ADPRHL1: variants seen among roughly 807,000 people sequenced by gnomAD.
ADPRHL1 encodes the protein inactive ADP-ribosyltransferase ARH2.
Under a neutral mutation model 44.1 loss-of-function variants are expected in ADPRHL1, and 43 were observed. The observed-to-expected ratio is 0.98, with a 90% CI of 0.76 to 1.26. ADPRHL1 has a LOEUF of 1.26. Among genes scored for constraint, ADPRHL1 ranks in the 50% most tolerant of loss-of-function variants. ADPRHL1 has a pLI of 0.00. For synonymous variants in ADPRHL1, 878 were observed against 1,017.4 expected, an observed-to-expected ratio of 0.86 and a Z score of 2.61; for missense variants, 2,022 against 2,496.9, an observed-to-expected ratio of 0.81 and a Z score of 4.05.
At chr13:113,439,968 T>G (rs2044086412) in intron 2 of ADPRHL1, among the ~76,000 whole-genome samples, 1 of 152,260 alleles carries the variant, frequency 6.6e-6, no homozygotes, top group East Asian at 1.9e-4. Flanking sequence ...GTCTTTCTCT[T>G]TTTTCCACAT....
chr13:113,419,001 TTC>T (rs2043900446), intron 7 of ADPRHL1, among the ~76,000 whole-genome samples: 1 of 75,422 alleles, frequency 1.3e-5, no homozygotes, highest in Non-Finnish European at 2.7e-5. Context: ...CCTCCCTCCC[TTC>T]CTCCCTCCCT....
Position 113,433,790 on chromosome 13 carries a change from T to G in ADPRHL1, c.457A>C (p.Ile153Leu). The G allele has an allele frequency of 6.3e-7, 1 of 1,592,584 alleles. No homozygotes were observed. The highest frequency in any genetic ancestry group is 1.1e-5 in the South Asian group (1 of 87,748). ...YWKPERLETL[I>L]EVSVECGRMT... ...CGGCCGCACTCCACGCTGACCTCGATGAGGGTCTCCAGCCGCTCAGGCTTC... is the reference window on the plus strand; with the variant it reads ...CGGCCGCACTCCACGCTGACCTCGAGGAGGGTCTCCAGCCGCTCAGGCTTC... Residue 153 changes from isoleucine to leucine, a missense_variant, in exon 3 of 8, where the codon ATC becomes CTC. Physicochemically the swap from Ile to Leu is conservative, Grantham distance 5. This residue lies in a region of ADPRHL1 where 437 missense variants were observed against 430.7 expected (regional missense o/e 1.01). Transcript: ENST00000612156.
chr13:113,422,794 C>G, intron 7 of ADPRHL1, 32 bp downstream of exon 7: 1 of 1,612,396 alleles, frequency 6.2e-7, no homozygotes, highest in South Asian at 1.1e-5. Context: ...GGAATCGGCT[C>G]TCTAGGGGGA....
At chr13:113,429,304 C>T (rs1484485436) in intron 3 of ADPRHL1, among the ~76,000 whole-genome samples, 1 of 152,244 alleles carries the variant, frequency 6.6e-6, no homozygotes, top group Non-Finnish European at 1.5e-5. Flanking sequence ...CAAACTGTAG[C>T]TCTGTCCCCA....
intron 1 of ADPRHL1, among the ~76,000 whole-genome samples, chr13:113,445,058 C>G (rs1010839475): frequency 6.6e-6 from 1 of 152,184 alleles, no homozygotes; most frequent in African/African-American, 2.4e-5. Flanking sequence ...TTGCCAGAAA[C>G]CCAGGTGCTG....
At chr13:113,431,579 C>T (rs988008595) in intron 3 of ADPRHL1, among the ~76,000 whole-genome samples, 1 of 152,222 alleles carries the variant, frequency 6.6e-6, no homozygotes, top group East Asian at 1.9e-4. Context: ...GTGGCTCTTA[C>T]TGCCAGAGGT....
chr13:113,437,421 C>G (rs564034058), intron 2 of ADPRHL1, among the ~76,000 whole-genome samples: 1 of 151,964 alleles, frequency 6.6e-6, no homozygotes, highest in Non-Finnish European at 1.5e-5. Flanking sequence ...CACCCAGGTG[C>G]AGAGTGAATG....
At position 113,400,180 on chromosome 13, in the gene ADPRHL1, C is replaced by G. The variant is rs1195813641; in HGVS notation, c.*3198G>C. On this transcript the variant is annotated 3_prime_UTR_variant, in exon 8 of 8. Transcript: ENST00000612156. ...TTTTTTTTTTTGACGGAGTCTCGCT[C>G]TGTCACCCAGGCTGGAGTGCAGTGG... 10 of 141,360 alleles carry G rather than the reference C, an allele frequency of 7.1e-5. No individual in the cohort carries two copies. The highest frequency in any genetic ancestry group is 2.7e-4 in the African/African-American group (10 of 37,632). The allele number at this position is 141,360 out of a possible 1,614,324, so 8.8% of individuals were successfully genotyped here.
At position 113,402,738 on chromosome 13, in the gene ADPRHL1, T is replaced by G. The variant is rs2043771735; in HGVS notation, c.*640A>C. 1 of 152,502 alleles carries G rather than the reference T, an allele frequency of 6.6e-6. No individual in the cohort carries two copies. Among genetic ancestry groups the G allele is most frequent in the African/African-American group, 2.4e-5 (1 of 41,468 alleles). The allele number at this position is 152,502 out of a possible 1,614,324, so 9.4% of individuals were successfully genotyped here. A position where few individuals can be genotyped will look rare whatever the true frequency, so the allele number is the denominator to read the frequency against. ...GCCTCTTCCTCCGGATGAGCTGGTT[T>G]CGGCCTGGGATCCCAGCGTCCCCAC... is the stretch of plus-strand genomic sequence containing the variant. On this transcript the variant is annotated 3_prime_UTR_variant, in exon 8 of 8. Coordinates refer to ENST00000612156, the MANE Select transcript of ADPRHL1 (RefSeq NM_001394807.1).
chr13:113,415,045 G>A (rs1238613080), intron 7 of ADPRHL1, among the ~76,000 whole-genome samples: 1 of 152,128 alleles, frequency 6.6e-6, no homozygotes, highest in East Asian at 1.9e-4. Context: ...CAGGGAGGGC[G>A]ACACCTCCCT....
chr13:113,451,324 TG>T (rs1380818066), intron 1 of ADPRHL1, among the ~76,000 whole-genome samples: 3 of 152,246 alleles, frequency 2.0e-5, no homozygotes, highest in Non-Finnish European at 4.4e-5. Flanking sequence ...TTTATTATAC[TG>T]GAACAGCTCG....
chr13:113,412,712 AG>A (rs1421457724), intron 7 of ADPRHL1, among the ~76,000 whole-genome samples: 18 of 149,650 alleles, frequency 1.2e-4, no homozygotes, highest in Non-Finnish European at 1.0e-4. Context: ...AGTGCCCCGG[AG>A]GCTCAGTTCA....
intron 1 of ADPRHL1, among the ~76,000 whole-genome samples, chr13:113,444,791 T>C (rs1348711926): frequency 2.6e-5 from 4 of 151,960 alleles, no homozygotes; most frequent in African/African-American, 9.7e-5. Flanking sequence ...CCCGGCTAAT[T>C]TTTTTGTATT....
chr13:113,414,634 C>T (rs1334491564), intron 7 of ADPRHL1, among the ~76,000 whole-genome samples: 1 of 151,908 alleles, frequency 6.6e-6, no homozygotes. Flanking sequence ...CCACGTGCCT[C>T]TGCACATCTC....
At chr13:113,434,747 G>C (rs1243643710) in intron 2 of ADPRHL1, among the ~76,000 whole-genome samples, 2 of 120,328 alleles carry the variant, frequency 1.7e-5, no homozygotes, top group African/African-American at 6.3e-5. Flanking sequence ...GTGAACATAG[G>C]TGTACCCTGG....
Position 113,448,927 on chromosome 13 carries a change from G to A in ADPRHL1, c.214+4297C>T, listed in dbSNP as rs558262527. On this transcript the variant is annotated intron_variant, in intron 1 of 7. Coordinates refer to ENST00000612156, the MANE Select transcript of ADPRHL1 (RefSeq NM_001394807.1). ...GGGGGTAGGGAGCTGGGAATGGCCA[G>A]CTGCATACCCGAGCAATGGCCGAGC... The A allele has an allele frequency of 7.1e-6, 7 of 984,758 alleles. No homozygotes were observed. In the African/African-American group the frequency reaches 1.2e-4, roughly 17 times the overall value. 61.0% of individuals were successfully genotyped at this position (984,758 alleles called of 1,614,324 possible).
chr13:113,418,980 TTCCCTCCC>T (rs1174404083), intron 7 of ADPRHL1, among the ~76,000 whole-genome samples: 2 of 105,528 alleles, frequency 1.9e-5, no homozygotes, highest in African/African-American at 3.7e-5. Flanking sequence ...CCTCTTTTCC[TTCCCTCCC>T]TCCCTCCCTC....
chr13:113,405,457 G>A lies in ADPRHL1; in HGVS notation c.3825C>T (p.Ser1275=), dbSNP rs139448172. The A allele has an allele frequency of 2.1e-4, 257 of 1,231,928 alleles. 3 individuals are homozygous for A. In the Middle Eastern group the frequency reaches 5.3e-3, roughly 25 times the overall value. The allele number at this position is 1,231,928 out of a possible 1,614,324, so 76.3% of individuals were successfully genotyped here. A position where few individuals can be genotyped will look rare whatever the true frequency, so the allele number is the denominator to read the frequency against. Residue 1275 remains serine (S), a synonymous_variant, in exon 8 of 8, where the codon AGC becomes AGT. Coordinates refer to ENST00000612156, the MANE Select transcript of ADPRHL1 (RefSeq NM_001394807.1). ...GGCCATAGCTGGGGGACTCTGCCAC[G>A]CTCCTTGCCTGTGGCCTAGGATGAT... ...ASDHPRPQAR[S]VAESPSYGPG...
In ADPRHL1 at chr13:113,447,539, T is replaced by C. The variant is rs112137427; in HGVS notation, c.215-2950A>G. On this transcript the variant is annotated intron_variant, in intron 1 of 7. Transcript: ENST00000612156. Reference sequence around the variant, plus strand: ...GTGTGCATGGTGTCTACACTCACGGTGTTTTGTGTGCATGGTGTCTACATG... The same window carrying C: ...GTGTGCATGGTGTCTACACTCACGGCGTTTTGTGTGCATGGTGTCTACATG... Among the ~76,000 whole-genome samples the C allele has an allele frequency of 7.9e-3, 1,200 of 152,246 alleles. 7 individuals carry two copies. Among genetic ancestry groups the C allele is most frequent in the Non-Finnish European group, 0.014 (929 of 67,980 alleles).
Sources: gnomAD v4.1 joint callset for allele counts (sites outside exome capture counted in the v4.1 genomes callset) on GRCh38, gnomAD v4.1.1 for gene constraint, gnomAD v4.1.1 regional missense constraint, MANE v1.5 for transcripts, NCBI Gene and HGNC (gene_info 2026-07-23, HGNC 2026-07-21) for gene names.